The following UGT8 variants were observed in gnomAD, a reference collection of about 807,000 sequenced individuals.
UGT8 encodes UDP glycosyltransferase 8.
UGT8 carries 12 observed loss-of-function variants against 40.5 expected under a neutral mutation model. The observed-to-expected ratio is 0.30, with a 90% CI of 0.19 to 0.48. The LOEUF is 0.48. Ranked by LOEUF, UGT8 falls within the 20% of genes least tolerant of loss-of-function variation. The pLI, the probability that UGT8 is intolerant of heterozygous loss-of-function variation, is 0.99. For missense variants in UGT8, 513 were observed against 648.7 expected (o/e 0.79, Z 2.27); for synonymous variants, 224 against 240.4 (o/e 0.93, Z 0.63).
At chr4:114,624,942 A>G (rs1220729177) in intron 2 of UGT8, among the ~76,000 whole-genome samples, 2 of 152,128 alleles carry the variant, frequency 1.3e-5, no homozygotes, top group African/African-American at 2.4e-5. Flanking sequence ...CCATTCTTGA[A>G]TTTATCCAAG....
chr4:114,598,511 A>G (rs577023842), upstream of UGT8: 27 of 152,374 alleles, frequency 1.8e-4, no homozygotes, highest in African/African-American at 6.0e-4. Flanking sequence ...CCCCTTGCCC[A>G]GCCTGCGAGC....
chr4:114,635,536 T>G (rs1732836822), intron 2 of UGT8, among the ~76,000 whole-genome samples: 1 of 152,204 alleles, frequency 6.6e-6, no homozygotes, highest in South Asian at 2.1e-4. Context: ...CTTTTAAGAA[T>G]TATACCTTTC....
chr4:114,606,778 A>G (rs1730759252), intron 1 of UGT8, among the ~76,000 whole-genome samples: 1 of 152,154 alleles, frequency 6.6e-6, no homozygotes, highest in Admixed American at 6.5e-5. Context: ...AATGGAGGCA[A>G]AATAAGCTCA....
At position 114,673,424 on chromosome 4, in the gene UGT8, A is replaced by T. The variant is rs144699650; in HGVS notation, c.1263-2501A>T. ...GTTAGCAATCCAGCTTTATAAGTCT[A>T]CTCCTAGGTGGGACTAAGAGTCTGA... On this transcript the variant is annotated intron_variant, in intron 5 of 5. Transcript: ENST00000310836. 3.2e-3 allele frequency among the ~76,000 whole-genome samples: 492 copies of T among 152,258 alleles called. 3 individuals are homozygous for T. Among genetic ancestry groups the T allele is most frequent in the African/African-American group, 0.011 (461 of 41,558 alleles).
chr4:114,656,227 G>T (rs1327962831), intron 2 of UGT8, among the ~76,000 whole-genome samples: 1 of 151,732 alleles, frequency 6.6e-6, no homozygotes, highest in Non-Finnish European at 1.5e-5. Context: ...ATCAGTCTCT[G>T]TGTCTTTATG....
intron 2 of UGT8, among the ~76,000 whole-genome samples, chr4:114,625,621 A>G (rs566532683): frequency 5.3e-5 from 8 of 151,652 alleles, no homozygotes; most frequent in African/African-American, 1.4e-4. Context: ...ATGACACAGT[A>G]TAAGTGTAGG....
chr4:114,650,944 T>TG (rs1733863475), intron 2 of UGT8, among the ~76,000 whole-genome samples: 1 of 152,068 alleles, frequency 6.6e-6, no homozygotes, highest in Non-Finnish European at 1.5e-5. Flanking sequence ...CAAAACATCC[T>TG]TTTTCATCCT....
In UGT8 at chr4:114,623,588, G is replaced by C. The variant is rs770734767; in HGVS notation, c.708G>C (p.Gly236=). 1 of 1,613,986 alleles carries C rather than the reference G, an allele frequency of 6.2e-7. No homozygotes were observed. The highest frequency in any genetic ancestry group is 8.5e-7 in the Non-Finnish European group (1 of 1,180,028). The change falls in exon 2 of 6, where the codon GGG becomes GGC. Residue 236 remains glycine, a synonymous_variant. Coordinates refer to ENST00000310836, the MANE Select transcript of UGT8 (RefSeq NM_001128174.3). ...AGTCCATGTATGATTTGGTTCATGG[G>C]TCCAGCCTGTGGATGCTGTGTACTG... The part of the protein sequence containing the change: ...PEKSMYDLVH[G]SSLWMLCTDV...
chr4:114,661,429 A>G (rs915366017), intron 2 of UGT8, among the ~76,000 whole-genome samples: 1 of 152,212 alleles, frequency 6.6e-6, no homozygotes, highest in Non-Finnish European at 1.5e-5. Flanking sequence ...GGGCCTCCCA[A>G]ACCACTGGAC....
intron 1 of UGT8, among the ~76,000 whole-genome samples, chr4:114,613,678 A>G (rs148546967): frequency 9.4e-4 from 143 of 152,290 alleles, no homozygotes; most frequent in African/African-American, 3.2e-3. Context: ...TCTTATGCAC[A>G]TAAGTAACGA....
At chr4:114,673,701 T>G (rs1286618970) in intron 5 of UGT8, among the ~76,000 whole-genome samples, 1 of 152,240 alleles carries the variant, frequency 6.6e-6, no homozygotes, top group African/African-American at 2.4e-5. Context: ...TTTCCATCTT[T>G]GTTAAAATAA....
At chr4:114,634,825 TG>T (rs1455678369) in intron 2 of UGT8, among the ~76,000 whole-genome samples, 2 of 152,164 alleles carry the variant, frequency 1.3e-5, no homozygotes, top group Non-Finnish European at 2.9e-5. Flanking sequence ...GTCTTTAAAG[TG>T]GCTTCCACTT....
At chr4:114,622,168 T>C (rs1403885780) in intron 1 of UGT8, among the ~76,000 whole-genome samples, 2 of 142,448 alleles carry the variant, frequency 1.4e-5, no homozygotes. Flanking sequence ...TGTGTTCCCA[T>C]TGTTCAATTC....
chr4:114,642,164 G>A (rs980518952), intron 2 of UGT8, among the ~76,000 whole-genome samples: 2 of 151,934 alleles, frequency 1.3e-5, no homozygotes, highest in East Asian at 1.9e-4. Context: ...ATGCAGCAAC[G>A]TGTAGCTGAA....
chr4:114,615,392 G>A (rs372757051), intron 1 of UGT8, among the ~76,000 whole-genome samples: 5 of 152,228 alleles, frequency 3.3e-5, no homozygotes, highest in Middle Eastern at 3.4e-3. Context: ...TGACCAGCTC[G>A]TCCCCGTGTG....
chr4:114,659,395 A>G (rs1483853694), intron 2 of UGT8, among the ~76,000 whole-genome samples: 12 of 152,228 alleles, frequency 7.9e-5, no homozygotes, highest in Non-Finnish European at 1.8e-4. Context: ...TAGGAATGGA[A>G]TTATTCATTC....
intron 2 of UGT8, among the ~76,000 whole-genome samples, chr4:114,625,339 C>A (rs1732133911): frequency 6.6e-6 from 1 of 151,774 alleles, no homozygotes; most frequent in African/African-American, 2.4e-5. Flanking sequence ...ATAGTGAAAC[C>A]TTGTCTCTAC....
chr4:114,666,484 A>G (rs1734888083), intron 4 of UGT8, among the ~76,000 whole-genome samples: 1 of 152,126 alleles, frequency 6.6e-6, no homozygotes, highest in South Asian at 2.1e-4. Flanking sequence ...ATACTATTCT[A>G]TAAATGCTAA....
intron 2 of UGT8, among the ~76,000 whole-genome samples, chr4:114,639,759 G>T (rs917168567): frequency 1.3e-5 from 2 of 152,184 alleles, no homozygotes; most frequent in African/African-American, 2.4e-5. Context: ...TCCATGAAAT[G>T]TAAAACAATA....
Sources: gnomAD v4.1 joint callset for allele counts (sites outside exome capture counted in the v4.1 genomes callset) on GRCh38, gnomAD v4.1.1 for gene constraint, MANE v1.5 for transcripts, NCBI Gene and HGNC (gene_info 2026-07-23, HGNC 2026-07-21) for gene names.